NBN: variants seen among roughly 807,000 people sequenced by gnomAD.
NBN encodes Nijmegen breakage syndrome 1 (nibrin).
NBN carries 88 observed loss-of-function variants against 90.8 expected under a neutral mutation model. That is an observed-to-expected ratio of 0.97 (90% CI 0.82 to 1.16). The LOEUF (loss-of-function observed/expected upper bound fraction) is 1.16. Ranked by LOEUF, NBN falls within the 50% of genes most tolerant of loss-of-function variation. NBN has a pLI of 0.00. For synonymous variants in NBN, 328 were observed against 295.1 expected (o/e 1.11, Z -1.14); for missense variants, 894 against 869.6 (o/e 1.03, Z -0.35).
At chr8:89,967,098 T>G (rs73306447) in intron 7 of NBN, among the ~76,000 whole-genome samples, 2,043 of 152,318 alleles carry the variant, frequency 0.013, 40 homozygotes, top group African/African-American at 0.046. Flanking sequence ...AGGGCCGCTG[T>G]CTGTGTGGAA....
At chr8:89,979,847 C>A (rs1223405878) in intron 4 of NBN, among the ~76,000 whole-genome samples, 3 of 152,202 alleles carry the variant, frequency 2.0e-5, no homozygotes, top group Non-Finnish European at 4.4e-5. Flanking sequence ...GACAATTTAA[C>A]TACCTTTGAT....
intron 5 of NBN, among the ~76,000 whole-genome samples, chr8:89,976,397 T>C (rs1321037146): frequency 6.6e-6 from 1 of 152,214 alleles, no homozygotes; most frequent in East Asian, 1.9e-4. Context: ...GCAGCCAGAT[T>C]CTTTTATACG....
intron 7 of NBN, among the ~76,000 whole-genome samples, chr8:89,964,772 A>T (rs1460891774): frequency 6.6e-6 from 1 of 152,148 alleles, no homozygotes; most frequent in East Asian, 1.9e-4. Context: ...AAAATTCTAC[A>T]ATTTTTGGAA....
chr8:89,956,205 A>AC (rs1040762247), intron 9 of NBN, among the ~76,000 whole-genome samples: 1 of 151,058 alleles, frequency 6.6e-6, no homozygotes, highest in African/African-American at 2.4e-5. Flanking sequence ...CAGAAAAAAA[A>AC]AAAACAAAAA....
intron 5 of NBN, among the ~76,000 whole-genome samples, chr8:89,976,765 G>C (rs572815696): frequency 6.6e-6 from 1 of 152,154 alleles, no homozygotes; most frequent in Admixed American, 6.5e-5. Context: ...ATACTGAGGG[G>C]TCTTGGACTC....
chr8:89,977,864 G>T (rs897917147), intron 5 of NBN, among the ~76,000 whole-genome samples: 3 of 152,168 alleles, frequency 2.0e-5, no homozygotes, highest in African/African-American at 7.2e-5. Flanking sequence ...TATGTGGCTT[G>T]CAAAGAGGGC....
At chr8:89,980,161 G>T (rs958574566) in intron 4 of NBN, among the ~76,000 whole-genome samples, 1 of 152,200 alleles carries the variant, frequency 6.6e-6, no homozygotes, top group Admixed American at 6.5e-5. Flanking sequence ...CAGCTGAGCG[G>T]CAAGCCTTTC....
chr8:89,938,044 G>C (rs1264582903), intron 14 of NBN, among the ~76,000 whole-genome samples: 1 of 152,044 alleles, frequency 6.6e-6, no homozygotes, highest in Non-Finnish European at 1.5e-5. Flanking sequence ...CTTTAGCAAA[G>C]GCTTCCTGAT....
intron 6 of NBN, 59 bp from the exon 7 acceptor site, chr8:89,970,616 G>A (rs1055971442): frequency 3.3e-6 from 5 of 1,495,050 alleles, no homozygotes; most frequent in Non-Finnish European, 4.6e-6. Context: ...GAACACATAA[G>A]AATTTGATTT....
intron 5 of NBN, 29 bp downstream of exon 5, chr8:89,978,190 AT>A (rs752918569): frequency 6.4e-7 from 1 of 1,559,570 alleles, no homozygotes; most frequent in South Asian, 1.1e-5. Flanking sequence ...TATAAGTGAC[AT>A]CTTGTTATAT....
chr8:89,960,702 C>T (rs1810954840), intron 8 of NBN, among the ~76,000 whole-genome samples: 1 of 152,088 alleles, frequency 6.6e-6, no homozygotes, highest in South Asian at 2.1e-4. Flanking sequence ...TGTTTGTTAA[C>T]AGATTACTTA....
chr8:89,983,006 T>C (rs1176573760), intron 1 of NBN, 151 bp from the exon 2 acceptor site: 3 of 833,536 alleles, frequency 3.6e-6, no homozygotes, highest in African/African-American at 1.7e-5. Context: ...ACTTTACATA[T>C]GTCAAACTTG....
chr8:89,943,038 CTTTT>C lies in NBN; in HGVS notation c.2184+211_2184+214del, dbSNP rs10631091. Among the ~76,000 whole-genome samples, 424 of 139,696 alleles carry C rather than the reference CTTTT, an allele frequency of 3.0e-3. 3 individuals carry two copies. The highest frequency in any genetic ancestry group is 0.011 in the African/African-American group (408 of 38,390). The allele number at this position is 139,696 out of a possible 152,430, so 91.6% of individuals were successfully genotyped here. On this transcript the variant is annotated intron_variant, in intron 14 of 15. Coordinates refer to ENST00000265433, the MANE Select transcript of NBN (RefSeq NM_002485.5). ...GTAAACTGAATTTCTTAGGTCTCAC[CTTTT>C]TTTTTTTTTTTAACAAAAATAAATT...
At chr8:89,960,772 C>T (rs914303556) in intron 8 of NBN, among the ~76,000 whole-genome samples, 1 of 152,078 alleles carries the variant, frequency 6.6e-6, no homozygotes, top group Non-Finnish European at 1.5e-5. Context: ...CTATTCACCT[C>T]TTTATTTCAA....
intron 13 of NBN, among the ~76,000 whole-genome samples, chr8:89,944,412 A>G (rs1405991874): frequency 6.6e-6 from 1 of 152,186 alleles, no homozygotes; most frequent in Non-Finnish European, 1.5e-5. Context: ...TCATTTTACA[A>G]TCCCAAGCTC....
At chr8:89,982,908 T>C in intron 1 of NBN, 53 bp from the exon 2 acceptor site, 2 of 1,553,816 alleles carry the variant, frequency 1.3e-6, no homozygotes, top group Non-Finnish European at 1.8e-6. Context: ...CATACACATG[T>C]ACACGAACAC....
intron 8 of NBN, among the ~76,000 whole-genome samples, chr8:89,962,009 A>T (rs1439426893): frequency 6.6e-6 from 1 of 152,152 alleles, no homozygotes; most frequent in African/African-American, 2.4e-5. Flanking sequence ...AAAATGGAAA[A>T]GGAAGAATAA....
intron 8 of NBN, among the ~76,000 whole-genome samples, chr8:89,962,503 T>C (rs1811037352): frequency 1.3e-5 from 2 of 152,220 alleles, no homozygotes; most frequent in South Asian, 2.1e-4. Context: ...AAGGAAGCAG[T>C]AGTTTCTCCA....
In NBN at chr8:89,980,883, C is replaced by T. The variant is rs1306328242; in HGVS notation, c.331G>A (p.Glu111Lys). The T allele has an allele frequency of 6.2e-7, 1 of 1,612,528 alleles. No homozygotes were observed. Among genetic ancestry groups the T allele is most frequent in the Non-Finnish European group, 8.5e-7 (1 of 1,179,314 alleles). Residue 111 changes from glutamate to lysine, a missense_variant, in exon 4 of 16, where the codon GAG becomes AAG. Transcript: ENST00000265433. Reference sequence around the variant, plus strand: ...CAAGAAGAGCATGCAACCAAAGGCTCATACTCTATTCTGTAAATGAGAATA... The same window carrying T: ...CAAGAAGAGCATGCAACCAAAGGCTTATACTCTATTCTGTAAATGAGAATA... ...VFGSKFRIEY[E>K]PLVACSSCLD...
Sources: allele counts gnomAD v4.1 joint callset (sites outside exome capture counted in the v4.1 genomes callset), GRCh38; gene constraint gnomAD v4.1.1; transcripts MANE v1.5; gene names NCBI Gene and HGNC (gene_info 2026-07-23, HGNC 2026-07-21).